COL25A1: variants seen among roughly 807,000 people sequenced by gnomAD.
COL25A1 encodes collagen type XXV alpha 1 chain, also known as collagen alpha-1(XXV) chain.
In COL25A1, 103 loss-of-function variants were observed where a neutral mutation model predicts 128.4. That is an observed-to-expected ratio of 0.80 (90% CI 0.68 to 0.94). The LOEUF (loss-of-function observed/expected upper bound fraction) is 0.94. COL25A1 is among the 40% of genes least tolerant of loss of function. The probability of loss-of-function intolerance (pLI) is 0.00; values close to 1 mark genes in which losing one functional copy is unlikely to be tolerated. For missense variants in COL25A1, 745 were observed against 840.0 expected, an observed-to-expected ratio of 0.89 and a Z score of 1.40; for synonymous variants, 279 against 277.2, an observed-to-expected ratio of 1.01 and a Z score of -0.06.
chr4:108,843,896 T>C (rs1734763512), intron 30 of COL25A1, among the ~76,000 whole-genome samples: 1 of 151,378 alleles, frequency 6.6e-6, no homozygotes, highest in East Asian at 1.9e-4. Context: ...TTACTATTAT[T>C]ATTATTATTA....
intron 3 of COL25A1, among the ~76,000 whole-genome samples, chr4:109,134,720 G>A (rs745909508): frequency 6.6e-6 from 1 of 152,104 alleles, no homozygotes; most frequent in Non-Finnish European, 1.5e-5. Context: ...TGAAGCTATC[G>A]ACTGAGATGG....
rs560855720 is a variant in COL25A1, at chr4:109,139,772, A to T, written c.368-89593T>A. Among the ~76,000 whole-genome samples the T allele has an allele frequency of 1.1e-3, 162 of 152,232 alleles. 1 individual carries two copies. The highest frequency in any genetic ancestry group is 3.8e-3 in the African/African-American group (157 of 41,532). On this transcript the variant is annotated intron_variant, in intron 3 of 37. Coordinates refer to ENST00000399132, the MANE Select transcript of COL25A1 (RefSeq NM_198721.4). ...TGTGCCATGTTGGTGTGCTGCATCCATTAACTCGTCATTTAACATTAAGTA... is the reference window on the plus strand; with the variant it reads ...TGTGCCATGTTGGTGTGCTGCATCCTTTAACTCGTCATTTAACATTAAGTA...
chr4:109,066,994 A>C (rs1411805016), intron 3 of COL25A1, among the ~76,000 whole-genome samples: 1 of 152,178 alleles, frequency 6.6e-6, no homozygotes, highest in Non-Finnish European at 1.5e-5. Flanking sequence ...TCACCATGTC[A>C]CTTTGATAAT....
intron 5 of COL25A1, among the ~76,000 whole-genome samples, chr4:109,025,047 G>A (rs137991333): frequency 5.3e-5 from 8 of 152,272 alleles, no homozygotes; most frequent in Non-Finnish European, 8.8e-5. Context: ...AAATATCTGG[G>A]TTGTAATTTA....
chr4:109,136,270 G>C (rs190130545), intron 3 of COL25A1, among the ~76,000 whole-genome samples: 1 of 152,192 alleles, frequency 6.6e-6, no homozygotes, highest in East Asian at 1.9e-4. Context: ...GTGGTGGCAC[G>C]TGCCTGTAGT....
chr4:108,878,852 C>T (rs1469480442), intron 19 of COL25A1, among the ~76,000 whole-genome samples: 1 of 152,096 alleles, frequency 6.6e-6, no homozygotes, highest in East Asian at 1.9e-4. Flanking sequence ...TAATTTGACT[C>T]TCCAATTATT....
chr4:108,862,425 T>C (rs1373773099), intron 22 of COL25A1, 76 bp downstream of exon 22: 2 of 1,072,834 alleles, frequency 1.9e-6, no homozygotes, highest in East Asian at 2.4e-5. Flanking sequence ...ATGAAAAACA[T>C]GCCTCTGTGG....
At chr4:108,910,768 A>G (rs925295122) in intron 13 of COL25A1, among the ~76,000 whole-genome samples, 2 of 152,218 alleles carry the variant, frequency 1.3e-5, no homozygotes, top group Non-Finnish European at 1.5e-5. Context: ...TAGAATTGCT[A>G]TAAGGACTGA....
chr4:109,275,438 G>A (rs999512901), intron 3 of COL25A1, among the ~76,000 whole-genome samples: 2 of 152,148 alleles, frequency 1.3e-5, no homozygotes, highest in South Asian at 4.1e-4. Context: ...AGGCTAAGGT[G>A]CCCAATCATG....
intron 3 of COL25A1, among the ~76,000 whole-genome samples, chr4:109,106,736 T>C (rs1267758336): frequency 7.0e-6 from 1 of 142,808 alleles, no homozygotes; most frequent in Non-Finnish European, 1.5e-5. Flanking sequence ...ACTATATGCA[T>C]GTGTAATTCC....
intron 11 of COL25A1, among the ~76,000 whole-genome samples, chr4:108,928,881 T>C (rs1324065008): frequency 6.6e-6 from 1 of 152,066 alleles, no homozygotes; most frequent in African/African-American, 2.4e-5. Context: ...ATGTAGCTAA[T>C]GGTGACTGCA....
At chr4:108,903,376 G>A (rs1021189244) in intron 13 of COL25A1, among the ~76,000 whole-genome samples, 3 of 151,930 alleles carry the variant, frequency 2.0e-5, no homozygotes, top group African/African-American at 7.2e-5. Context: ...ATAGCTTGAT[G>A]TTCTGATTTT....
intron 3 of COL25A1, among the ~76,000 whole-genome samples, chr4:109,110,720 A>C (rs1264963322): frequency 6.6e-6 from 1 of 152,116 alleles, no homozygotes; most frequent in Non-Finnish European, 1.5e-5. Flanking sequence ...GTCAAGAGTT[A>C]TGGTGCAATT....
At chr4:108,835,191 G>A (rs919912038) in intron 31 of COL25A1, among the ~76,000 whole-genome samples, 4 of 152,156 alleles carry the variant, frequency 2.6e-5, no homozygotes, top group East Asian at 3.9e-4. Flanking sequence ...AATAAATAGC[G>A]TATGATTAAA....
chr4:109,153,178 G>A (rs951179547), intron 3 of COL25A1, among the ~76,000 whole-genome samples: 1 of 151,800 alleles, frequency 6.6e-6, no homozygotes, highest in Non-Finnish European at 1.5e-5. Flanking sequence ...CTGAGGTCGG[G>A]AGTTCGAGAC....
chr4:109,014,107 G>T (rs1457442523), intron 5 of COL25A1, among the ~76,000 whole-genome samples: 1 of 152,150 alleles, frequency 6.6e-6, no homozygotes, highest in Non-Finnish European at 1.5e-5. Flanking sequence ...AGGGGTTTGA[G>T]ACTAGCCTGG....
chr4:108,950,518 A>G (rs1749287022), intron 8 of COL25A1, among the ~76,000 whole-genome samples: 1 of 152,144 alleles, frequency 6.6e-6, no homozygotes, highest in Admixed American at 6.5e-5. Context: ...CCTTCCTGAT[A>G]CTTCCGCCTA....
intron 3 of COL25A1, among the ~76,000 whole-genome samples, chr4:109,202,719 AG>A (rs1776657840): frequency 6.6e-6 from 1 of 152,240 alleles, no homozygotes; most frequent in Admixed American, 6.5e-5. Context: ...TTTACAAAAT[AG>A]ATTATCTATC....
intron 5 of COL25A1, among the ~76,000 whole-genome samples, chr4:109,034,573 G>T (rs1467746987): frequency 6.6e-6 from 1 of 152,166 alleles, no homozygotes; most frequent in African/African-American, 2.4e-5. Context: ...CTTAAAAAAT[G>T]ATGACCTAGC....
Sources: allele counts gnomAD v4.1 joint callset (sites outside exome capture counted in the v4.1 genomes callset), GRCh38; gene constraint gnomAD v4.1.1; transcripts MANE v1.5; gene names NCBI Gene and HGNC (gene_info 2026-07-23, HGNC 2026-07-21).